MACROD2: variants seen among roughly 807,000 people sequenced by gnomAD.
MACROD2 encodes the protein ADP-ribose glycohydrolase MACROD2.
Under a neutral mutation model 70.4 loss-of-function variants are expected in MACROD2, and 36 were observed. The ratio of observed to expected loss-of-function variants is 0.51; its 90% CI spans 0.39 to 0.68. The LOEUF is 0.68. MACROD2 is among the 30% of genes least tolerant of loss of function. The probability of loss-of-function intolerance (pLI) is 0.00; values close to 1 mark genes in which losing one functional copy is unlikely to be tolerated. For missense variants in MACROD2, 496 were observed against 538.4 expected, an observed-to-expected ratio of 0.92 and a Z score of 0.78; for synonymous variants, 172 against 178.8, an observed-to-expected ratio of 0.96 and a Z score of 0.30.
At chr20:14,987,907 G>A (rs2074863785) in intron 5 of MACROD2, among the ~76,000 whole-genome samples, 1 of 152,042 alleles carries the variant, frequency 6.6e-6, no homozygotes, top group Non-Finnish European at 1.5e-5. Flanking sequence ...TTCATTGCTT[G>A]CCTGAATTCA....
chr20:15,149,527 A>T (rs2076253928), intron 5 of MACROD2, among the ~76,000 whole-genome samples: 1 of 152,004 alleles, frequency 6.6e-6, no homozygotes, highest in Non-Finnish European at 1.5e-5. Context: ...AATGGTAATT[A>T]TGGGAGACTC....
intron 5 of MACROD2, among the ~76,000 whole-genome samples, chr20:15,054,382 AACCACC>A (rs2075466470): frequency 6.6e-6 from 1 of 152,168 alleles, no homozygotes; most frequent in Non-Finnish European, 1.5e-5. Context: ...CAGCCTCAGC[AACCACC>A]ACCCTGATCA....
chr20:15,429,101 G>A (rs1362276497), intron 6 of MACROD2, among the ~76,000 whole-genome samples: 2 of 152,130 alleles, frequency 1.3e-5, no homozygotes, highest in Non-Finnish European at 2.9e-5. Flanking sequence ...CCTGAACTCT[G>A]AGTCCTTTCT....
At chr20:15,707,408 G>A (rs2050551310) in intron 8 of MACROD2, among the ~76,000 whole-genome samples, 1 of 152,164 alleles carries the variant, frequency 6.6e-6, no homozygotes, top group Non-Finnish European at 1.5e-5. Flanking sequence ...GCACTTGCTG[G>A]GCACTGGGAA....
chr20:14,090,872 C>T (rs1020974265), intron 3 of MACROD2, among the ~76,000 whole-genome samples: 1 of 152,088 alleles, frequency 6.6e-6, no homozygotes, highest in Admixed American at 6.5e-5. Flanking sequence ...CAACAGTGTG[C>T]GGGAGTTCTC....
intron 3 of MACROD2, among the ~76,000 whole-genome samples, chr20:14,474,023 T>A (rs564317287): frequency 1.6e-4 from 24 of 152,168 alleles, no homozygotes; most frequent in African/African-American, 5.8e-4. Flanking sequence ...TTTTTACTTT[T>A]TTTTGCTTTG....
At chr20:14,723,534 A>G (rs527893202) in intron 5 of MACROD2, among the ~76,000 whole-genome samples, 1 of 149,672 alleles carries the variant, frequency 6.7e-6, no homozygotes, top group Admixed American at 6.8e-5. Context: ...AGGTGACTAA[A>G]TGTGCTGTTT....
intron 5 of MACROD2, among the ~76,000 whole-genome samples, chr20:14,983,050 A>T (rs1040232527): frequency 1.3e-5 from 2 of 152,204 alleles, no homozygotes; most frequent in Non-Finnish European, 2.9e-5. Context: ...CTCTAGCATC[A>T]GTGTTACCTG....
chr20:14,212,247 A>C (rs371944159), intron 3 of MACROD2, among the ~76,000 whole-genome samples: 8 of 152,202 alleles, frequency 5.3e-5, no homozygotes, highest in South Asian at 2.1e-4. Context: ...AACACCACCA[A>C]CATCTCAGTT....
intron 5 of MACROD2, among the ~76,000 whole-genome samples, chr20:15,108,862 G>A (rs1029975574): frequency 2.6e-5 from 4 of 151,854 alleles, no homozygotes; most frequent in African/African-American, 9.7e-5. Flanking sequence ...GTGAGGGTCA[G>A]GAAAGTTAGA....
At chr20:15,027,283 C>T (rs1165664953) in intron 5 of MACROD2, among the ~76,000 whole-genome samples, 3 of 151,974 alleles carry the variant, frequency 2.0e-5, no homozygotes, top group South Asian at 2.1e-4. Context: ...ATCATGTTTC[C>T]GCTTTTTGCT....
intron 8 of MACROD2, among the ~76,000 whole-genome samples, chr20:15,530,506 G>A (rs960170118): frequency 1.3e-5 from 2 of 152,020 alleles, no homozygotes; most frequent in African/African-American, 4.8e-5. Flanking sequence ...GCTGAGGCGG[G>A]CGGATCACGA....
At chr20:15,389,396 G>A (rs983518688) in intron 6 of MACROD2, among the ~76,000 whole-genome samples, 10 of 152,294 alleles carry the variant, frequency 6.6e-5, no homozygotes, top group Non-Finnish European at 1.3e-4. Context: ...AGAAGAAAGA[G>A]TGAAGTTGAA....
At chr20:15,206,893 C>T (rs1302315822) in intron 5 of MACROD2, among the ~76,000 whole-genome samples, 6 of 150,556 alleles carry the variant, frequency 4.0e-5, no homozygotes, top group Non-Finnish European at 5.9e-5. Context: ...CCCGCCACCG[C>T]GCCCGGCTAA....
chr20:14,573,127 G>T (rs986686213), intron 4 of MACROD2, among the ~76,000 whole-genome samples: 1 of 151,954 alleles, frequency 6.6e-6, no homozygotes, highest in Admixed American at 6.6e-5. Flanking sequence ...ATAACATCAG[G>T]ATTTGGTATC....
intron 4 of MACROD2, among the ~76,000 whole-genome samples, chr20:14,599,580 G>A (rs1982352072): frequency 6.6e-6 from 1 of 152,188 alleles, no homozygotes; most frequent in African/African-American, 2.4e-5. Flanking sequence ...AGCCTAAAAT[G>A]TTAAACTGAG....
intron 5 of MACROD2, among the ~76,000 whole-genome samples, chr20:14,890,758 G>GA (rs200756372): frequency 0.33 from 45,343 of 135,670 alleles, 7,380 homozygotes; most frequent in East Asian, 0.51. Flanking sequence ...TCCAAAAACA[G>GA]AAAAAAAAAA....
intron 3 of MACROD2, among the ~76,000 whole-genome samples, chr20:14,230,654 T>TATATAAAA: frequency 2.7e-5 from 2 of 74,244 alleles, no homozygotes; most frequent in African/African-American, 6.7e-5. Flanking sequence ...TATATATATA[T>TATATAAAA]AACACAGGCT....
At chr20:15,947,328 C>A (rs1478989933) in intron 12 of MACROD2, among the ~76,000 whole-genome samples, 1 of 152,160 alleles carries the variant, frequency 6.6e-6, no homozygotes, top group Non-Finnish European at 1.5e-5. Context: ...AAACCTTGGA[C>A]AATACCCAGC....
Sources: gnomAD v4.1 joint callset for allele counts (sites outside exome capture counted in the v4.1 genomes callset) on GRCh38, gnomAD v4.1.1 for gene constraint, MANE v1.5 for transcripts, NCBI Gene and HGNC (gene_info 2026-07-23, HGNC 2026-07-21) for gene names.